TCF7L2: variants seen among roughly 807,000 people sequenced by gnomAD.
TCF7L2 encodes transcription factor 7-like 2.
Under a neutral mutation model 77.9 loss-of-function variants are expected in TCF7L2, and 23 were observed. That is an observed-to-expected ratio of 0.30 (90% CI 0.21 to 0.42). The LOEUF is 0.42. Among genes scored for constraint, TCF7L2 ranks in the 10% least tolerant of loss-of-function variants. TCF7L2 has a pLI of 1.00. For synonymous variants in TCF7L2, 413 were observed against 340.2 expected, an observed-to-expected ratio of 1.21 and a Z score of -2.36; for missense variants, 654 against 793.1, an observed-to-expected ratio of 0.82 and a Z score of 2.11.
chr10:113,160,401 GGTT>G (rs1354929346), intron 12 of TCF7L2, among the ~76,000 whole-genome samples: 2 of 151,604 alleles, frequency 1.3e-5, no homozygotes, highest in African/African-American at 2.4e-5. Flanking sequence ...TTTGGTTTCT[GGTT>G]GTTGTTTTGT....
intron 4 of TCF7L2, among the ~76,000 whole-genome samples, chr10:112,988,071 T>C (rs779150761): frequency 6.7e-6 from 1 of 148,166 alleles, no homozygotes; most frequent in Non-Finnish European, 1.5e-5. Flanking sequence ...ATAACACTTA[T>C]CAGAGGAGGG....
chr10:113,121,743 A>G (rs553578166), intron 5 of TCF7L2, among the ~76,000 whole-genome samples: 6 of 140,026 alleles, frequency 4.3e-5, no homozygotes, highest in Non-Finnish European at 8.9e-5. Context: ...CATACACACA[A>G]CACACACACA....
At position 113,167,043 on chromosome 10, in the gene TCF7L2, C is replaced by G. The variant is rs187178316; in HGVS notation, c.*1071C>G. 8.6e-6 allele frequency: 2 copies of G among 231,286 alleles called. No homozygotes were observed. The highest frequency in any genetic ancestry group is 2.2e-5 in the African/African-American group (1 of 45,238). 14.3% of individuals were successfully genotyped at this position (231,286 alleles called of 1,614,324 possible). On this transcript the variant is annotated 3_prime_UTR_variant, in exon 14 of 14. Coordinates refer to ENST00000627217, the MANE Select transcript of TCF7L2 (RefSeq NM_001146274.2). Reference sequence around the variant, plus strand: ...ATGCCCTACCCTGCGCCCTTAGGACCCGGACTGACCGTGTACAAAACTTTA... The same window carrying G: ...ATGCCCTACCCTGCGCCCTTAGGACGCGGACTGACCGTGTACAAAACTTTA...
rs1050587970 is a variant in TCF7L2 at position 113,126,858 on chromosome 10, C to T, written c.553-14326C>T. ...GCCCGCGAGCCGGCAGCGGGAAGGACAGCGCCGCAACCCTCTCTAGATGGT... is the reference window on the plus strand; with the variant it reads ...GCCCGCGAGCCGGCAGCGGGAAGGATAGCGCCGCAACCCTCTCTAGATGGT... On this transcript the variant is annotated intron_variant, in intron 5 of 13. Transcript: ENST00000627217. 44 of 987,186 alleles carry T rather than the reference C, an allele frequency of 4.5e-5. No homozygotes were observed. The African/African-American group carries it at 7.3e-4, about 16-fold the overall frequency. 61.2% of individuals were successfully genotyped at this position (987,186 alleles called of 1,614,324 possible). A position where few individuals can be genotyped will look rare whatever the true frequency, so the allele number is the denominator to read the frequency against.
At chr10:113,081,608 A>G (rs1174219737) in intron 5 of TCF7L2, among the ~76,000 whole-genome samples, 2 of 152,182 alleles carry the variant, frequency 1.3e-5, no homozygotes, top group Non-Finnish European at 2.9e-5. Flanking sequence ...TATACTGTTA[A>G]GGACAGAGAC....
intron 4 of TCF7L2, among the ~76,000 whole-genome samples, chr10:112,997,745 G>A (rs956216316): frequency 1.3e-5 from 2 of 152,166 alleles, no homozygotes; most frequent in Non-Finnish European, 2.9e-5. Flanking sequence ...CTGGAGTCAG[G>A]TGGAGCAAGA....
At chr10:113,079,549 G>A (rs146243678) in intron 5 of TCF7L2, among the ~76,000 whole-genome samples, 5 of 152,180 alleles carry the variant, frequency 3.3e-5, no homozygotes, top group African/African-American at 1.2e-4. Flanking sequence ...TTTACAAAGT[G>A]GGGGGAACCC....
At position 113,121,262 on chromosome 10, in the gene TCF7L2, C is replaced by CG. The variant is rs1372101122; in HGVS notation, c.553-19921dup. On this transcript the variant is annotated intron_variant, in intron 5 of 13. Coordinates refer to ENST00000627217, the MANE Select transcript of TCF7L2 (RefSeq NM_001146274.2). ...AGCCTTGCCCCTCTTCTCGCTCTCC[C>CG]GCCCTCTTCCTTCCTTCCTCTCCTA... 2.0e-5 allele frequency among the ~76,000 whole-genome samples: 3 copies of CG among 152,310 alleles called. No homozygotes were observed. The East Asian group carries it at 5.8e-4, about 29-fold the overall frequency.
chr10:112,951,298 A>G (rs1564698418), intron 2 of TCF7L2, 25 bp downstream of exon 2: 1 of 1,120,176 alleles, frequency 8.9e-7, no homozygotes, highest in Admixed American at 4.9e-5. Context: ...CGCGCCCCGC[A>G]GCCGCCCGGA....
At chr10:112,996,404 T>C (rs1195582087) in intron 4 of TCF7L2, among the ~76,000 whole-genome samples, 1 of 152,184 alleles carries the variant, frequency 6.6e-6, no homozygotes, top group East Asian at 1.9e-4. Flanking sequence ...TTGTGGTCTC[T>C]GCACCTAAGA....
At chr10:113,062,633 A>G (rs886065346) in intron 5 of TCF7L2, among the ~76,000 whole-genome samples, 10 of 152,088 alleles carry the variant, frequency 6.6e-5, no homozygotes, top group African/African-American at 2.4e-4. Context: ...ATAATGGTTA[A>G]GAGATAGTTT....
intron 5 of TCF7L2, among the ~76,000 whole-genome samples, chr10:113,108,130 G>C (rs1234811731): frequency 1.3e-5 from 2 of 152,124 alleles, no homozygotes; most frequent in African/African-American, 4.8e-5. Flanking sequence ...GGGGACAAAA[G>C]AATCCCGTTT....
intron 4 of TCF7L2, among the ~76,000 whole-genome samples, chr10:112,983,054 G>T (rs558551129): frequency 1.3e-5 from 2 of 152,174 alleles, no homozygotes; most frequent in Non-Finnish European, 2.9e-5. Context: ...CTTCTGATGG[G>T]CATGAAATTA....
chr10:113,156,095 G>A (rs2071809492), intron 11 of TCF7L2, among the ~76,000 whole-genome samples: 1 of 150,092 alleles, frequency 6.7e-6, no homozygotes, highest in Non-Finnish European at 1.5e-5. Flanking sequence ...AACCTAACGT[G>A]TTCTCGAGTT....
intron 5 of TCF7L2, among the ~76,000 whole-genome samples, chr10:113,063,964 T>G (rs1564843205): frequency 6.6e-6 from 1 of 151,376 alleles, no homozygotes; most frequent in Non-Finnish European, 1.5e-5. Flanking sequence ...TCCAAGCAGA[T>G]TCAAGGAGGT....
intron 5 of TCF7L2, among the ~76,000 whole-genome samples, chr10:113,097,660 A>C (rs984108008): frequency 2.8e-5 from 4 of 143,476 alleles, no homozygotes; most frequent in African/African-American, 7.6e-5. Context: ...AAAAAAAAAA[A>C]AAAAAAAAAA....
intron 3 of TCF7L2, among the ~76,000 whole-genome samples, chr10:112,956,825 T>C (rs543356401): frequency 2.0e-5 from 3 of 152,298 alleles, no homozygotes; most frequent in African/African-American, 7.2e-5. Context: ...CCTTATAATA[T>C]TCAAGGTCCG....
chr10:113,130,062 T>C, intron 5 of TCF7L2: 2 of 1,032,892 alleles, frequency 1.9e-6, no homozygotes, highest in South Asian at 4.3e-5. Flanking sequence ...GTATTGACCA[T>C]TAAACCTATG....
intron 3 of TCF7L2, among the ~76,000 whole-genome samples, chr10:112,956,344 CTTTTTTTTTTT>C (rs10711698): frequency 8.9e-6 from 1 of 112,250 alleles, no homozygotes; most frequent in East Asian, 2.7e-4. Context: ...AGTGATTTAC[CTTTTTTTTTTT>C]TTTTTTTTTT....
Sources: allele counts gnomAD v4.1 joint callset (sites outside exome capture counted in the v4.1 genomes callset), GRCh38; gene constraint gnomAD v4.1.1; transcripts MANE v1.5; gene names NCBI Gene and HGNC (gene_info 2026-07-23, HGNC 2026-07-21).